Variants in KLHL32 observed in about 807,000 individuals in gnomAD.
The protein encoded by KLHL32 is kelch-like protein 32.
KLHL32 carries 35 observed loss-of-function variants against 64.8 expected under a neutral mutation model. The observed-to-expected ratio is 0.54, with a 90% CI of 0.41 to 0.72. The LOEUF (loss-of-function observed/expected upper bound fraction) is 0.72. Among genes scored for constraint, KLHL32 ranks in the 30% least tolerant of loss-of-function variants. The pLI is 0.00. For missense variants in KLHL32, 589 were observed against 768.5 expected, an observed-to-expected ratio of 0.77 and a Z score of 2.76; for synonymous variants, 259 against 281.0, an observed-to-expected ratio of 0.92 and a Z score of 0.78.
intron 7 of KLHL32, among the ~76,000 whole-genome samples, chr6:97,124,282 T>C (rs1320260541): frequency 1.3e-5 from 2 of 152,222 alleles, no homozygotes; most frequent in Admixed American, 1.3e-4. Flanking sequence ...AATCTATTAA[T>C]ATCAAATAAC....
intron 1 of KLHL32, among the ~76,000 whole-genome samples, chr6:96,962,276 C>T (rs1359939733): frequency 6.6e-6 from 1 of 152,162 alleles, no homozygotes; most frequent in Non-Finnish European, 1.5e-5. Context: ...CCCCATCAAT[C>T]CTATGTACCA....
At chr6:97,107,275 AG>A (rs1346835978) in intron 6 of KLHL32, among the ~76,000 whole-genome samples, 1 of 149,324 alleles carries the variant, frequency 6.7e-6, no homozygotes, top group Admixed American at 6.6e-5. Context: ...CCTGGGCGAA[AG>A]GCAAGACTCC....
At chr6:96,979,791 A>G (rs914971798) in intron 3 of KLHL32, among the ~76,000 whole-genome samples, 43 of 152,202 alleles carry the variant, frequency 2.8e-4, no homozygotes, top group African/African-American at 1.0e-3. Context: ...CCTATCCATG[A>G]GCATGAAATA....
At chr6:97,001,470 T>G (rs561835398) in intron 3 of KLHL32, among the ~76,000 whole-genome samples, 3 of 152,270 alleles carry the variant, frequency 2.0e-5, no homozygotes, top group South Asian at 4.1e-4. Flanking sequence ...TGGTTTGTTT[T>G]TTTGTTTGTT....
intron 9 of KLHL32, among the ~76,000 whole-genome samples, chr6:97,131,569 C>A (rs1368490790): frequency 6.6e-6 from 1 of 152,148 alleles, no homozygotes; most frequent in Non-Finnish European, 1.5e-5. Context: ...CCTCATGTTT[C>A]TTTATGGAGT....
intron 4 of KLHL32, among the ~76,000 whole-genome samples, chr6:97,059,062 A>C (rs1337097224): frequency 2.6e-5 from 4 of 152,210 alleles, no homozygotes; most frequent in Non-Finnish European, 4.4e-5. Context: ...TGTAGGAGCC[A>C]GGATTTGAAA....
chr6:96,929,931 A>C (rs1463240191), intron 1 of KLHL32, among the ~76,000 whole-genome samples: 1 of 152,230 alleles, frequency 6.6e-6, no homozygotes, highest in East Asian at 1.9e-4. Context: ...GATAATTTTT[A>C]AATGAAGAAG....
chr6:97,123,725 A>T (rs1164328591), intron 7 of KLHL32, among the ~76,000 whole-genome samples: 1 of 152,224 alleles, frequency 6.6e-6, no homozygotes, highest in Non-Finnish European at 1.5e-5. Flanking sequence ...CAAAACTGCC[A>T]ATCTATAAAA....
chr6:97,027,624 A>G (rs1395354591), intron 3 of KLHL32, among the ~76,000 whole-genome samples: 2 of 152,216 alleles, frequency 1.3e-5, no homozygotes, highest in Non-Finnish European at 1.5e-5. Context: ...TACCACTGCC[A>G]CCATTCACAA....
intron 1 of KLHL32, among the ~76,000 whole-genome samples, chr6:96,962,212 A>T (rs1016676025): frequency 6.6e-6 from 1 of 152,138 alleles, no homozygotes; most frequent in Non-Finnish European, 1.5e-5. Context: ...CCCAAGTGAG[A>T]CTCTAGCAAC....
At chr6:96,944,183 C>G (rs568226625) in intron 1 of KLHL32, among the ~76,000 whole-genome samples, 1 of 152,272 alleles carries the variant, frequency 6.6e-6, no homozygotes, top group South Asian at 2.1e-4. Context: ...CATGCTGACA[C>G]CAGTAATATT....
intron 1 of KLHL32, among the ~76,000 whole-genome samples, chr6:96,928,383 A>G (rs911256901): frequency 1.3e-5 from 2 of 152,206 alleles, no homozygotes; most frequent in Non-Finnish European, 2.9e-5. Flanking sequence ...TGAGCGAGTG[A>G]TGAAAGCTGT....
At chr6:96,946,986 T>G (rs1457581416) in intron 1 of KLHL32, among the ~76,000 whole-genome samples, 2 of 152,186 alleles carry the variant, frequency 1.3e-5, no homozygotes, top group Non-Finnish European at 2.9e-5. Flanking sequence ...TCCTTAGTAG[T>G]CATTGTGAAA....
intron 6 of KLHL32, among the ~76,000 whole-genome samples, chr6:97,092,148 C>A (rs1321056523): frequency 2.6e-5 from 4 of 152,166 alleles, no homozygotes; most frequent in Non-Finnish European, 5.9e-5. Context: ...TGCCACACAC[C>A]TGGCTAATTT....
chr6:97,060,503 G>T (rs186833718), intron 4 of KLHL32, among the ~76,000 whole-genome samples: 1 of 152,254 alleles, frequency 6.6e-6, no homozygotes, highest in East Asian at 1.9e-4. Context: ...CACTGACTGA[G>T]GTGGCCCACG....
At chr6:97,033,135 C>G (rs541313513) in intron 3 of KLHL32, among the ~76,000 whole-genome samples, 10 of 152,164 alleles carry the variant, frequency 6.6e-5, no homozygotes, top group Admixed American at 5.2e-4. Flanking sequence ...CTTAATAGAC[C>G]GCAGTATAGT....
At chr6:96,982,997 T>C (rs574992616) in intron 3 of KLHL32, among the ~76,000 whole-genome samples, 1 of 152,398 alleles carries the variant, frequency 6.6e-6, no homozygotes, top group African/African-American at 2.4e-5. Context: ...GCCCATTCAG[T>C]ATGATATTGG....
chr6:97,005,393 G>A (rs922636302), intron 3 of KLHL32, among the ~76,000 whole-genome samples: 2 of 151,770 alleles, frequency 1.3e-5, no homozygotes, highest in African/African-American at 4.8e-5. Context: ...AATCTAGGTA[G>A]TGGTCTATCT....
intron 6 of KLHL32, among the ~76,000 whole-genome samples, chr6:97,092,619 G>A (rs529400724): frequency 6.6e-6 from 1 of 152,214 alleles, no homozygotes; most frequent in South Asian, 2.1e-4. Context: ...TCCTTTGAGG[G>A]GCCCCTAGCT....
Sources: allele counts gnomAD v4.1 joint callset (sites outside exome capture counted in the v4.1 genomes callset), GRCh38; gene constraint gnomAD v4.1.1; transcripts MANE v1.5; gene names NCBI Gene and HGNC (gene_info 2026-07-23, HGNC 2026-07-21).